Variants in ACKR3 observed in about 807,000 individuals in gnomAD.
ACKR3 encodes the protein atypical chemokine receptor 3, also known as C-X-C chemokine receptor type 7.
ACKR3 carries 6 observed loss-of-function variants against 22.4 expected under a neutral mutation model. That is an observed-to-expected ratio of 0.27 (90% confidence interval 0.15 to 0.53). The LOEUF is 0.53. ACKR3 is among the 20% of genes least tolerant of loss of function. The pLI is 0.96. For missense variants in ACKR3, 396 were observed against 475.2 expected, an observed-to-expected ratio of 0.83 and a Z score of 1.55; for synonymous variants, 209 against 205.2, an observed-to-expected ratio of 1.02 and a Z score of -0.16.
chr2:236,552,876 A>C, the ACKR3 span, among the ~76,000 whole-genome samples: 36,680 of 152,070 alleles, frequency 0.24, 6,504 homozygotes, highest in African/African-American at 0.5. Context: ...GCCCTAGGAG[A>C]GGCCTCAGGA....
upstream of ACKR3, among the ~76,000 whole-genome samples, chr2:236,566,234 T>C (rs1553634482): frequency 6.6e-6 from 1 of 152,162 alleles, no homozygotes; most frequent in Non-Finnish European, 1.5e-5. Flanking sequence ...AGGTGCAGAT[T>C]ACAGACAGGG....
At chr2:236,576,329 G>A (rs1691411554) in intron 1 of ACKR3, among the ~76,000 whole-genome samples, 1 of 152,240 alleles carries the variant, frequency 6.6e-6, no homozygotes, top group Non-Finnish European at 1.5e-5. Context: ...ATCCAGATCT[G>A]TGCGGAATGC....
Position 236,580,480 on chromosome 2 carries a change from C to T in ACKR3, c.15C>T (p.Leu5=). 6.2e-7 allele frequency: 1 copy of T among 1,612,208 alleles called. No homozygotes were observed. Among genetic ancestry groups the T allele is most frequent in the South Asian group, 1.1e-5 (1 of 91,032 alleles). The change falls in exon 2 of 2, where the codon CTC becomes CTT. Residue 5 remains leucine (L), a synonymous_variant. Coordinates refer to ENST00000272928, the MANE Select transcript of ACKR3 (RefSeq NM_020311.3). ...GCCTCAGAACGATGGATCTGCATCT[C>T]TTCGACTACTCAGAGCCAGGGAACT... MDLH[L]FDYSEPGNFS... is the part of the protein sequence containing the mutation.
chr2:236,564,689 A>T (rs929386524), upstream of ACKR3, among the ~76,000 whole-genome samples: 6 of 151,308 alleles, frequency 4.0e-5, no homozygotes, highest in Non-Finnish European at 8.8e-5. Flanking sequence ...AAAAGTCTGC[A>T]GTCTTAGGAC....
At chr2:236,541,965 T>G in the ACKR3 span, among the ~76,000 whole-genome samples, 3 of 152,306 alleles carry the variant, frequency 2.0e-5, no homozygotes, top group African/African-American at 4.8e-5. Flanking sequence ...TTTTTTTTCC[T>G]TATAAATTAC....
the ACKR3 span, among the ~76,000 whole-genome samples, chr2:236,549,649 A>G: frequency 6.6e-6 from 1 of 152,178 alleles, no homozygotes; most frequent in Admixed American, 6.5e-5. This position sits in a 1 kb window ranked among gnomAD's most constrained non-coding sequence, Gnocchi z 5.3. Flanking sequence ...GGGTGTGAGA[A>G]CAGTAGTAGG....
upstream of ACKR3, among the ~76,000 whole-genome samples, chr2:236,565,435 A>G (rs1305168921): frequency 1.3e-5 from 2 of 152,188 alleles, no homozygotes; most frequent in African/African-American, 4.8e-5. Flanking sequence ...TCCCTAGATG[A>G]TGCAACATTT....
chr2:236,540,165 A>G, the ACKR3 span, among the ~76,000 whole-genome samples: 6 of 152,336 alleles, frequency 3.9e-5, no homozygotes, highest in Admixed American at 3.9e-4. Flanking sequence ...TGAGTATTCC[A>G]CTTGTTCCTC....
chr2:236,560,712 G>A, the ACKR3 span, among the ~76,000 whole-genome samples: 101 of 151,978 alleles, frequency 6.6e-4, no homozygotes, highest in African/African-American at 2.2e-3. Flanking sequence ...TTTGTCTTTC[G>A]CTGCCCGTGC....
At position 236,581,178 on chromosome 2, in the gene ACKR3, C is replaced by A; in HGVS notation, c.713C>A (p.Ala238Asp). ...GTCTTCTACTTCCTGCTGGCCAGAGCCATCTCGGCGTCCAGTGACCAGGAG... is the reference window on the plus strand; with the variant it reads ...GTCTTCTACTTCCTGCTGGCCAGAGACATCTCGGCGTCCAGTGACCAGGAG... Reference protein sequence around the residue: ...IAVFYFLLARAISASSDQEKH... With the variant: ...IAVFYFLLARDISASSDQEKH... Residue 238 changes from alanine (A) to aspartate (D), a missense_variant, in exon 2 of 2, where the codon GCC (alanine) becomes GAC (aspartate). Ala to Asp is a moderately radical substitution (Grantham distance 126). Transcript: ENST00000272928. The surrounding 1 kb of genome is among the most constrained non-coding windows in gnomAD (Gnocchi z 4.4). 7 of 1,613,760 alleles carry A rather than the reference C, an allele frequency of 4.3e-6. No homozygotes were observed. The highest frequency in any genetic ancestry group is 5.9e-6 in the Non-Finnish European group (7 of 1,179,648).
the ACKR3 span, among the ~76,000 whole-genome samples, chr2:236,553,039 G>C: frequency 0.058 from 8,825 of 152,318 alleles, 355 homozygotes; most frequent in African/African-American, 0.1. Flanking sequence ...TGTTTATCAT[G>C]TGATACTCCT....
chr2:236,574,789 G>A lies in ACKR3; in HGVS notation c.-27+4865G>A, dbSNP rs1177275057. 6.6e-6 allele frequency among the ~76,000 whole-genome samples: 1 copy of A among 152,146 alleles called. No homozygotes were observed. The highest frequency in any genetic ancestry group is 2.4e-5 in the African/African-American group (1 of 41,422). On this transcript the variant is annotated intron_variant, in intron 1 of 1. Transcript: ENST00000272928. The surrounding 1 kb of genome is among the most constrained non-coding windows in gnomAD (Gnocchi z 5.6). ...GCACGGTCGTTGTCAAGGATACTTG[G>A]TTGATGAATAAAACATCCCAGAAAC...
In ACKR3 at chr2:236,580,574, A is replaced by C; in HGVS notation, c.109A>C (p.Met37Leu). 1 of 1,614,156 alleles carries C rather than the reference A, an allele frequency of 6.2e-7. No individual in the cohort carries two copies. Among genetic ancestry groups the C allele is most frequent in the Non-Finnish European group, 8.5e-7 (1 of 1,179,992 alleles). Residue 37 changes from methionine (M) to leucine (L), a missense_variant, in exon 2 of 2, where the codon ATG (methionine) becomes CTG (leucine). By Grantham distance (15) the Met-to-Leu change is conservative. Transcript: ENST00000272928. Reference sequence around the variant, plus strand: ...GGTGGACACGGTGATGTGTCCCAACATGCCCAACAAAAGCGTCCTGCTCTA... The same window carrying C: ...GGTGGACACGGTGATGTGTCCCAACCTGCCCAACAAAAGCGTCCTGCTCTA... The part of the protein sequence containing the change: ...IVVDTVMCPN[M>L]PNKSVLLYTL...
chr2:236,571,618 GAAAAAAA>G lies in ACKR3; in HGVS notation c.-27+1712_-27+1718del, dbSNP rs397988342. Among the ~76,000 whole-genome samples the G allele has an allele frequency of 3.5e-3, 266 of 76,624 alleles. 3 individuals carry two copies. Among genetic ancestry groups the G allele is most frequent in the Admixed American group, 5.0e-3 (31 of 6,160 alleles). 50.3% of individuals were successfully genotyped at this position (76,624 alleles called of 152,430 possible). A position where few individuals can be genotyped will look rare whatever the true frequency, so the allele number is the denominator to read the frequency against. On this transcript the variant is annotated intron_variant, in intron 1 of 1. Coordinates refer to ENST00000272928, the MANE Select transcript of ACKR3 (RefSeq NM_020311.3). Reference sequence around the variant, plus strand: ...CAGGCCAAGTATAGGCTTTCTGAATGAAAAAAAAAAAAAAAAAAAAAAAACCCAAAAC... The same window carrying G: ...CAGGCCAAGTATAGGCTTTCTGAATGAAAAAAAAAAAAAAAAACCCAAAAC...
the ACKR3 span, among the ~76,000 whole-genome samples, chr2:236,552,204 G>A: frequency 6.6e-6 from 1 of 152,202 alleles, no homozygotes; most frequent in Non-Finnish European, 1.5e-5. Context: ...CTTGAAAGGA[G>A]AGTGAAAAGG....
At chr2:236,572,628 C>G (rs909698405) in intron 1 of ACKR3, among the ~76,000 whole-genome samples, 2 of 152,176 alleles carry the variant, frequency 1.3e-5, no homozygotes, top group Non-Finnish European at 2.9e-5. Context: ...CCCACTGCCT[C>G]GTCCTAGTCC....
the ACKR3 span, among the ~76,000 whole-genome samples, chr2:236,556,141 G>C: frequency 6.6e-6 from 1 of 152,272 alleles, no homozygotes; most frequent in South Asian, 2.1e-4. Flanking sequence ...TTTCACAGAA[G>C]GATCACCCAG....
chr2:236,573,045 C>T (rs1450674247), intron 1 of ACKR3, among the ~76,000 whole-genome samples: 2 of 152,210 alleles, frequency 1.3e-5, no homozygotes, highest in African/African-American at 4.8e-5. Flanking sequence ...AGGGGACAGA[C>T]AGCTACCCAT....
chr2:236,580,583 A>C lies in ACKR3; in HGVS notation c.118A>C (p.Lys40Gln). ...DTVMCPNMPN[K>Q]SVLLYTLSFI... The stretch of plus-strand genomic sequence containing the variant: ...GGTGATGTGTCCCAACATGCCCAAC[A>C]AAAGCGTCCTGCTCTACACGCTCTC... The change falls in exon 2 of 2, where the codon AAA (lysine) becomes CAA (glutamine). Residue 40 changes from lysine (K) to glutamine (Q), a missense_variant. Physicochemically the swap from Lys to Gln is moderately conservative, Grantham distance 53 (BLOSUM62 1). Coordinates refer to ENST00000272928, the MANE Select transcript of ACKR3 (RefSeq NM_020311.3). 1.9e-6 allele frequency: 3 copies of C among 1,613,706 alleles called. No individual in the cohort carries two copies. The highest frequency in any genetic ancestry group is 2.7e-5 in the African/African-American group (2 of 74,898).
Sources: gnomAD v4.1 joint callset for allele counts (sites outside exome capture counted in the v4.1 genomes callset) on GRCh38, gnomAD v4.1.1 for gene constraint, Gnocchi (gnomAD v3.1) non-coding constraint, MANE v1.5 for transcripts, NCBI Gene and HGNC (gene_info 2026-07-23, HGNC 2026-07-21) for gene names.